The following FAXC variants were observed in gnomAD, a reference collection of about 807,000 sequenced individuals.
FAXC encodes the protein failed axon connections homolog.
A neutral mutation model predicts 41.9 loss-of-function variants in FAXC; 10 were observed. That is an observed-to-expected ratio of 0.24 (90% CI 0.15 to 0.41). The LOEUF is 0.41. FAXC is among the 10% of genes least tolerant of loss of function. The pLI is 1.00. For missense variants in FAXC, 399 were observed against 510.9 expected (o/e 0.78, Z 2.11); for synonymous variants, 183 against 183.8 (o/e 1.00, Z 0.03).
At chr6:99,309,760 G>A (rs1049463575) in intron 4 of FAXC, 31 of 230,368 alleles carry the variant, frequency 1.3e-4, no homozygotes, top group African/African-American at 3.7e-4. Context: ...GTAAAGACCC[G>A]TCAGAGTAAA....
At chr6:99,299,309 G>A (rs1246000168) in intron 4 of FAXC, among the ~76,000 whole-genome samples, 1 of 152,046 alleles carries the variant, frequency 6.6e-6, no homozygotes, top group Admixed American at 6.6e-5. Flanking sequence ...CCACAATTTA[G>A]CTAAATTTCC....
At chr6:99,286,305 C>T (rs943567673) in intron 5 of FAXC, among the ~76,000 whole-genome samples, 4 of 152,188 alleles carry the variant, frequency 2.6e-5, no homozygotes, top group Non-Finnish European at 5.9e-5. Context: ...TCACAGATCT[C>T]CAAATACAAA....
chr6:99,343,179 C>T, intron 1 of FAXC, 146 bp from the exon 2 acceptor site: 1 of 662,412 alleles, frequency 1.5e-6, no homozygotes, highest in African/African-American at 1.8e-5. Context: ...ACCCAGCACC[C>T]AGTTTGTCGA....
chr6:99,340,052 A>T (rs1469967596), intron 2 of FAXC, among the ~76,000 whole-genome samples: 3 of 152,170 alleles, frequency 2.0e-5, no homozygotes, highest in Non-Finnish European at 4.4e-5. Flanking sequence ...ATTAAATACA[A>T]ATTCTAAGAT....
At chr6:99,336,004 G>T (rs888413333) in intron 2 of FAXC, among the ~76,000 whole-genome samples, 1 of 152,128 alleles carries the variant, frequency 6.6e-6, no homozygotes, top group Non-Finnish European at 1.5e-5. Context: ...TAATTGGGAA[G>T]ACTATAGGTG....
intron 3 of FAXC, among the ~76,000 whole-genome samples, chr6:99,329,752 T>A (rs1327863699): frequency 3.2e-3 from 481 of 152,016 alleles, no homozygotes; most frequent in African/African-American, 0.011. Flanking sequence ...AGTCAATTTA[T>A]GAAACTATCC....
At chr6:99,340,113 T>A (rs1278111629) in intron 2 of FAXC, among the ~76,000 whole-genome samples, 1 of 152,158 alleles carries the variant, frequency 6.6e-6, no homozygotes, top group East Asian at 1.9e-4. Flanking sequence ...ATTTTCTTTT[T>A]TTTTGAGACA....
chr6:99,324,387 G>A (rs1281235407), intron 3 of FAXC, among the ~76,000 whole-genome samples: 3 of 151,972 alleles, frequency 2.0e-5, no homozygotes, highest in Non-Finnish European at 2.9e-5. Flanking sequence ...TTTTGATAGC[G>A]CATTAGGGAG....
chr6:99,288,589 A>T (rs9389197), intron 5 of FAXC, among the ~76,000 whole-genome samples: 7,212 of 152,310 alleles, frequency 0.047, 651 homozygotes, highest in East Asian at 0.43. Context: ...ATGTGATAAC[A>T]TATTTAGTTT....
Position 99,343,040 on chromosome 6 carries a change from A to C in FAXC, c.267-7T>G. On this transcript the variant is annotated splice_polypyrimidine_tract_variant and splice_region_variant and intron_variant, in intron 1 of 5. Transcript: ENST00000389677. ...GTCAATCTCTTGCTGTTTCCTGTCA[A>C]AACCAAAACAGAAATAAAGTACAAT... 2.5e-6 allele frequency: 4 copies of C among 1,592,778 alleles called. No homozygotes were observed. The highest frequency in any genetic ancestry group is 3.4e-6 in the Non-Finnish European group (4 of 1,173,692).
intron 4 of FAXC, among the ~76,000 whole-genome samples, chr6:99,316,682 A>C (rs1404809205): frequency 6.6e-6 from 1 of 152,190 alleles, no homozygotes; most frequent in African/African-American, 2.4e-5. Context: ...TGGAACCCCA[A>C]AGGCATTTCT....
chr6:99,339,060 T>C (rs1773322060), intron 2 of FAXC, among the ~76,000 whole-genome samples: 1 of 152,212 alleles, frequency 6.6e-6, no homozygotes, highest in Admixed American at 6.5e-5. Context: ...GAAGGATCAC[T>C]GCCACCCCCT....
Position 99,272,956 on chromosome 6 carries a change from A to G in FAXC, c.*8208T>C, listed in dbSNP as rs897807266. The G allele has an allele frequency of 6.6e-6, 1 of 152,252 alleles. No individual in the cohort carries two copies. The highest frequency in any genetic ancestry group is 6.5e-5 in the Admixed American group (1 of 15,286). The allele number at this position is 152,252 out of a possible 1,614,324, so 9.4% of individuals were successfully genotyped here. On this transcript the variant is annotated 3_prime_UTR_variant, in exon 6 of 6. Coordinates refer to ENST00000389677, the MANE Select transcript of FAXC (RefSeq NM_032511.4). The stretch of plus-strand genomic sequence containing the variant: ...TAGTTATCATTTACACATCAAATAC[A>G]TATAGCATTAAGACCAAATATACAG...
At chr6:99,323,841 T>C (rs182337945) in intron 3 of FAXC, among the ~76,000 whole-genome samples, 174 bp from the exon 4 acceptor site, 102 of 152,264 alleles carry the variant, frequency 6.7e-4, no homozygotes, top group African/African-American at 2.4e-3. Flanking sequence ...AGTCAATGCC[T>C]AGACTTAAGG....
intron 1 of FAXC, among the ~76,000 whole-genome samples, chr6:99,347,411 A>G (rs1773641987): frequency 6.6e-6 from 1 of 151,762 alleles, no homozygotes; most frequent in Non-Finnish European, 1.5e-5. Context: ...CAAAAGAAAA[A>G]AAAAAAAAAA....
chr6:99,326,259 T>G (rs1364507285), intron 3 of FAXC, among the ~76,000 whole-genome samples: 1 of 152,088 alleles, frequency 6.6e-6, no homozygotes, highest in Non-Finnish European at 1.5e-5. Flanking sequence ...GTTACCAGAC[T>G]ACAGCAAAAC....
chr6:99,303,095 A>C (rs1378161794), intron 4 of FAXC, among the ~76,000 whole-genome samples: 1 of 152,242 alleles, frequency 6.6e-6, no homozygotes, highest in Non-Finnish European at 1.5e-5. Context: ...CATTTGGGAG[A>C]CATCCTCCAA....
At chr6:99,306,438 T>C (rs1771924556) in intron 4 of FAXC, among the ~76,000 whole-genome samples, 1 of 152,156 alleles carries the variant, frequency 6.6e-6, no homozygotes, top group East Asian at 1.9e-4. Flanking sequence ...GTTGGGAGGA[T>C]GAAGAGTTCT....
intron 4 of FAXC, among the ~76,000 whole-genome samples, chr6:99,318,260 AACACACACACACACAC>A (rs71021723): frequency 1.5e-5 from 1 of 64,818 alleles, no homozygotes; most frequent in Non-Finnish European, 3.2e-5. Context: ...CTCCGTCTCA[AACACACACACACACAC>A]ACACACACAC....
Sources: allele counts gnomAD v4.1 joint callset (sites outside exome capture counted in the v4.1 genomes callset), GRCh38; gene constraint gnomAD v4.1.1; transcripts MANE v1.5; gene names NCBI Gene and HGNC (gene_info 2026-07-23, HGNC 2026-07-21).